The following LETM1 variants were observed in gnomAD, a reference collection of about 807,000 sequenced individuals.
LETM1 encodes mitochondrial proton/calcium exchanger protein.
A neutral mutation model predicts 74.5 loss-of-function variants in LETM1; 50 were observed. That is an observed-to-expected ratio of 0.67 (90% confidence interval 0.53 to 0.85). The LOEUF (loss-of-function observed/expected upper bound fraction) is 0.85. LETM1 is among the 40% of genes least tolerant of loss of function. The probability of loss-of-function intolerance (pLI) is 0.00; values close to 1 mark genes in which losing one functional copy is unlikely to be tolerated. For missense variants in LETM1, 824 were observed against 967.8 expected (o/e 0.85, Z 1.97); for synonymous variants, 446 against 407.1 (o/e 1.10, Z -1.15).
At chr4:1,841,836 G>C (rs775308112) in intron 2 of LETM1, 39 bp from the exon 3 acceptor site, 1 of 1,482,520 alleles carries the variant, frequency 6.7e-7, no homozygotes, top group Admixed American at 1.8e-5. Flanking sequence ...GTAAGAGCCA[G>C]CACTAGCCTT....
chr4:1,842,016 G>A (rs188690974), intron 2 of LETM1, among the ~76,000 whole-genome samples: 50 of 152,258 alleles, frequency 3.3e-4, no homozygotes, highest in Non-Finnish European at 5.9e-5. Flanking sequence ...CCCACACCAC[G>A]TCGGACAGGA....
chr4:1,829,111 C>T (rs1226648288), intron 6 of LETM1, among the ~76,000 whole-genome samples: 5 of 108,116 alleles, frequency 4.6e-5, no homozygotes, highest in East Asian at 3.2e-4. Flanking sequence ...CCAGTAGGGG[C>T]GGCCGGGCAG....
At chr4:1,815,621 G>C in intron 13 of LETM1, 43 bp downstream of exon 13, 1 of 1,609,318 alleles carries the variant, frequency 6.2e-7, no homozygotes, top group South Asian at 1.1e-5. Context: ...CCCCACTCCA[G>C]AGCAGGTGGC....
In LETM1 at chr4:1,855,966, G is replaced by A; in HGVS notation, c.-16C>T. The A allele has an allele frequency of 8.3e-7, 1 of 1,206,340 alleles. No individual in the cohort carries two copies. Among genetic ancestry groups the A allele is most frequent in the Non-Finnish European group, 1.0e-6 (1 of 971,324 alleles). 74.7% of individuals were successfully genotyped at this position (1,206,340 alleles called of 1,614,324 possible). A position where few individuals can be genotyped will look rare whatever the true frequency, so the allele number is the denominator to read the frequency against. ...TGGACGCCATGTGCTCGGGCGCGGC[G>A]GCCGCTCCGGCCTCCTGCGCTGCCT... On this transcript the variant is annotated 5_prime_UTR_variant, in exon 1 of 14. Coordinates refer to ENST00000302787, the MANE Select transcript of LETM1 (RefSeq NM_012318.3).
In LETM1 at chr4:1,811,913, A is replaced by C. The variant is rs569499902; in HGVS notation, c.*2511T>G. On this transcript the variant is annotated 3_prime_UTR_variant, in exon 14 of 14. Coordinates refer to ENST00000302787, the MANE Select transcript of LETM1 (RefSeq NM_012318.3). ...GAAGACCAGCCTGACCAACATGATG[A>C]AACCCCATCTCTAATAAAAACTTGC... is the stretch of plus-strand genomic sequence containing the variant. The C allele has an allele frequency of 1.3e-5, 2 of 152,230 alleles. No individual in the cohort carries two copies. Among genetic ancestry groups the C allele is most frequent in the South Asian group, 4.2e-4 (2 of 4,806 alleles). The allele number at this position is 152,230 out of a possible 1,614,324, so 9.4% of individuals were successfully genotyped here.
At chr4:1,825,408 G>A (rs891853587) in intron 7 of LETM1, among the ~76,000 whole-genome samples, 156 bp downstream of exon 7, 2 of 152,254 alleles carry the variant, frequency 1.3e-5, no homozygotes, top group African/African-American at 4.8e-5. Flanking sequence ...GCAGAAGGGC[G>A]AGAAACAGCC....
At chr4:1,842,640 C>T (rs1276067357) in intron 2 of LETM1, among the ~76,000 whole-genome samples, 3 of 152,228 alleles carry the variant, frequency 2.0e-5, no homozygotes, top group Non-Finnish European at 4.4e-5. Context: ...GGCCAGAGAG[C>T]AGGCTCGAGG....
Position 1,836,346 on chromosome 4 carries a change from C to T in LETM1, c.738+83G>A, listed in dbSNP as rs1712462443. On this transcript the variant is annotated intron_variant, in intron 4 of 13. Coordinates refer to ENST00000302787, the MANE Select transcript of LETM1 (RefSeq NM_012318.3). This position sits in a 1 kb window ranked among gnomAD's most constrained non-coding sequence, Gnocchi z 5.8. ...TACATAAAGTCTCAAAAATATCTAG[C>T]ACCTGAAAAGTCACAAACAAGGAAG... 6 of 1,372,820 alleles carry T rather than the reference C, an allele frequency of 4.4e-6. No individual in the cohort carries two copies. The highest frequency in any genetic ancestry group is 2.9e-5 in the African/African-American group (2 of 69,272). The allele number at this position is 1,372,820 out of a possible 1,614,324, so 85.0% of individuals were successfully genotyped here.
At position 1,819,091 on chromosome 4, in the gene LETM1, A is replaced by T. The variant is rs538059218; in HGVS notation, c.1743+247T>A. On this transcript the variant is annotated intron_variant, in intron 11 of 13. Transcript: ENST00000302787. ...AGAGCAAGACCTTCTTACAAAAAAAAAAAAAAAAAGGTGCACACACATCTG... is the reference window on the plus strand; with the variant it reads ...AGAGCAAGACCTTCTTACAAAAAAATAAAAAAAAAGGTGCACACACATCTG... Among the ~76,000 whole-genome samples, 668 of 152,238 alleles carry T rather than the reference A, an allele frequency of 4.4e-3. 3 individuals carry two copies. The highest frequency in any genetic ancestry group is 0.034 in the Middle Eastern group (10 of 294).
intron 9 of LETM1, 94 bp from the exon 10 acceptor site, chr4:1,822,406 C>G: frequency 7.7e-7 from 1 of 1,290,408 alleles, no homozygotes; most frequent in Non-Finnish European, 1.0e-6. Context: ...AGAGGCCACA[C>G]TGGGAGCAGG....
At chr4:1,826,683 G>A (rs868381071) in intron 6 of LETM1, among the ~76,000 whole-genome samples, 3 of 152,250 alleles carry the variant, frequency 2.0e-5, no homozygotes, top group East Asian at 1.9e-4. Context: ...TGCAGCATGC[G>A]TGCCCTCCTT....
chr4:1,844,761 C>G (rs1459556676), intron 2 of LETM1, among the ~76,000 whole-genome samples: 3 of 151,254 alleles, frequency 2.0e-5, no homozygotes, highest in Non-Finnish European at 4.4e-5. Flanking sequence ...AAAAAATGCT[C>G]TATCAGCTGG....
rs1362736705 is a variant in LETM1, at chr4:1,833,134, T to C, written c.877-187A>G. ...TTACCCAGGCTGGAATGCAGTGGTG[T>C]AATCTCGGTTCACTGCAACCTCCAC... On this transcript the variant is annotated intron_variant, in intron 5 of 13. Coordinates refer to ENST00000302787, the MANE Select transcript of LETM1 (RefSeq NM_012318.3). 1.9e-5 allele frequency: 11 copies of C among 590,324 alleles called. No homozygotes were observed. The Admixed American group carries it at 2.0e-4, about 11-fold the overall frequency. 36.6% of individuals were successfully genotyped at this position (590,324 alleles called of 1,614,324 possible). A position where few individuals can be genotyped will look rare whatever the true frequency, so the allele number is the denominator to read the frequency against.
At chr4:1,828,058 ACCTC>A (rs1712071019) in intron 6 of LETM1, among the ~76,000 whole-genome samples, 1 of 75,336 alleles carries the variant, frequency 1.3e-5, no homozygotes, top group Non-Finnish European at 2.7e-5. Flanking sequence ...GACCCCCCCC[ACCTC>A]CCTCCCGGAC....
chr4:1,852,943 A>G (rs964391845), intron 1 of LETM1, among the ~76,000 whole-genome samples: 4 of 152,120 alleles, frequency 2.6e-5, no homozygotes, highest in Non-Finnish European at 5.9e-5. Flanking sequence ...TCAAAGAACA[A>G]ACAAACCTTT....
At chr4:1,829,771 G>A (rs778937113) in intron 6 of LETM1, among the ~76,000 whole-genome samples, 1 of 152,198 alleles carries the variant, frequency 6.6e-6, no homozygotes. Flanking sequence ...AGTGAGTTGA[G>A]ATTGTGCCAG....
chr4:1,848,715 C>CAAAAAAAAAAAAA (rs927486416), intron 2 of LETM1, among the ~76,000 whole-genome samples: 96 of 43,494 alleles, frequency 2.2e-3, no homozygotes, highest in Non-Finnish European at 2.7e-3. Flanking sequence ...GGCTCTGTCT[C>CAAAAAAAAAAAAA]AAAAAAAAAA....
At chr4:1,842,056 A>T (rs1712722232) in intron 2 of LETM1, among the ~76,000 whole-genome samples, 1 of 152,132 alleles carries the variant, frequency 6.6e-6, no homozygotes, top group Admixed American at 6.5e-5. Context: ...ACAGAAAGGC[A>T]GGCAAGTCAG....
At chr4:1,819,278 C>A in intron 11 of LETM1, 60 bp downstream of exon 11, 1 of 1,525,778 alleles carries the variant, frequency 6.6e-7, no homozygotes. Flanking sequence ...ACTTTTGGGG[C>A]CAGTACAGCG....
Sources: gnomAD v4.1 joint callset for allele counts (sites outside exome capture counted in the v4.1 genomes callset) on GRCh38, gnomAD v4.1.1 for gene constraint, Gnocchi (gnomAD v3.1) non-coding constraint, MANE v1.5 for transcripts, NCBI Gene and HGNC (gene_info 2026-07-23, HGNC 2026-07-21) for gene names.